Variants in TENM1 observed in about 807,000 individuals in gnomAD.
TENM1 encodes the protein teneurin-1.
In TENM1, 35 loss-of-function variants were observed where a neutral mutation model predicts 174.8. The ratio of observed to expected loss-of-function variants is 0.20; its 90% confidence interval spans 0.15 to 0.27. The LOEUF is 0.27. TENM1 is among the 10% of genes least tolerant of loss of function. The pLI is 1.00. For synonymous variants in TENM1, 781 were observed against 798.7 expected (o/e 0.98, Z 0.37); for missense variants, 1,633 against 2,130.1 (o/e 0.77, Z 4.59).
At chrX:125,141,471 C>T in the TENM1 span, among the ~76,000 whole-genome samples, 4,278 of 111,448 alleles carry the variant, frequency 0.038, 202 homozygotes, top group African/African-American at 0.13. Flanking sequence ...TGTGAGGTAC[C>T]TCTATATTCT....
At chrX:124,547,222 G>T in intron 14 of TENM1, 132 bp from the exon 18 acceptor site, 2 of 497,309 alleles carry the variant, frequency 4.0e-6, no homozygotes, top group Non-Finnish European at 3.2e-6. Flanking sequence ...TTCAGAATTT[G>T]TTAAATTCAC....
rs754681322 is a variant in TENM1 at position 124,817,063 on chromosome X, A to C, written c.535+77233T>G. 8.2e-5 allele frequency among the ~76,000 whole-genome samples: 9 copies of C among 109,712 alleles called. No homozygotes were observed. The East Asian group carries it at 2.6e-3, about 32-fold the overall frequency. On this transcript the variant is annotated intron_variant, in intron 3 of 31. Transcript: ENST00000422452. ...AGCCTCCCAACCCCCAACAGGCCCC[A>C]ATGTGTGATGTTCCCCTCCCTGTGT... is the stretch of plus-strand genomic sequence containing the variant.
the TENM1 span, among the ~76,000 whole-genome samples, chrX:125,074,042 C>T: frequency 6.3e-5 from 7 of 111,345 alleles, no homozygotes; most frequent in African/African-American, 9.8e-5. Context: ...TCAAGTTGGG[C>T]GGGAAATCTT....
chrX:124,688,411 TTTTTC>T (rs1352758322), intron 5 of TENM1: 12 of 109,412 alleles, frequency 1.1e-4, no homozygotes, highest in African/African-American at 3.4e-4. Context: ...TTTTATTTTA[TTTTTC>T]TTTTATTTTT....
the TENM1 span, among the ~76,000 whole-genome samples, chrX:125,190,856 A>G: frequency 1.8e-5 from 2 of 111,507 alleles, no homozygotes; most frequent in Non-Finnish European, 3.8e-5. Context: ...TTCAATCAGA[A>G]ATAATCATTT....
intron 11 of TENM1, among the ~76,000 whole-genome samples, chrX:124,625,943 T>A (rs2050626889): frequency 9.0e-6 from 1 of 111,484 alleles, no homozygotes; most frequent in African/African-American, 3.3e-5. Flanking sequence ...GGAATACCTA[T>A]GTTCAACAGC....
chrX:124,664,533 A>C (rs1025699038), intron 6 of TENM1, among the ~76,000 whole-genome samples: 1 of 71,994 alleles, frequency 1.4e-5, no homozygotes, highest in Non-Finnish European at 2.6e-5. Flanking sequence ...AAAGCAAAAG[A>C]AAAAAAAAAA....
rs1047315310 is a variant in TENM1, at chrX:124,409,628, T to C, written c.4983-3139A>G. 2.8e-5 allele frequency among the ~76,000 whole-genome samples: 3 copies of C among 108,481 alleles called. No individual in the cohort carries two copies. In the Admixed American group the frequency reaches 3.0e-4, roughly 11 times the overall value. The allele number at this position is 108,481 out of a possible 115,157, so 94.2% of individuals were successfully genotyped here. On this transcript the variant is annotated intron_variant, in intron 25 of 31. Coordinates refer to ENST00000422452, the Ensembl canonical transcript of TENM1. ...TGTATATCTAGAAAACCCCATTGTC[T>C]CAGCCCAAAATCTCCTTAAGCTGAT...
At chrX:125,166,841 G>A in the TENM1 span, among the ~76,000 whole-genome samples, 55 of 111,289 alleles carry the variant, frequency 4.9e-4, no homozygotes, top group African/African-American at 1.3e-3. Flanking sequence ...GGATTCCTGA[G>A]AGAGACTTTG....
In TENM1 at chrX:124,854,571, G is replaced by C. The variant is rs1330678326; in HGVS notation, c.535+39725C>G. ...TCCTAACAGAAAAGTAGATTTATCA[G>C]TCCAAACCAAAAATAAGGATGAGTA... On this transcript the variant is annotated intron_variant, in intron 3 of 31. Transcript: ENST00000422452. 2.7e-5 allele frequency among the ~76,000 whole-genome samples: 3 copies of C among 111,784 alleles called. No homozygotes were observed. The East Asian group carries it at 8.4e-4, about 31-fold the overall frequency.
chrX:124,761,958 G>A (rs2054428608), intron 3 of TENM1, among the ~76,000 whole-genome samples: 1 of 112,135 alleles, frequency 8.9e-6, no homozygotes, highest in Non-Finnish European at 1.9e-5. Context: ...TTTTAAAACT[G>A]AATCGCCTCT....
rs2060930281 is a variant in TENM1 at position 124,443,259 on chromosome X, T to A, written c.4104+10078A>T. On this transcript the variant is annotated intron_variant, in intron 23 of 31. Coordinates refer to ENST00000422452, the Ensembl canonical transcript of TENM1. ...ATCTAAGGACAAGAGAAAGTTGTTT[T>A]TTCAGTTATGTAGAGAGCAGAAGAC... 3.6e-5 allele frequency among the ~76,000 whole-genome samples: 4 copies of A among 111,472 alleles called. No individual in the cohort carries two copies. The South Asian group carries it at 1.5e-3, about 42-fold the overall frequency.
chrX:124,426,365 G>A (rs779943735), intron 23 of TENM1, among the ~76,000 whole-genome samples: 1 of 112,037 alleles, frequency 8.9e-6, no homozygotes, highest in Non-Finnish European at 1.9e-5. Context: ...AGAAGGCTTT[G>A]TTTTTCTTGT....
At chrX:124,806,974 T>C (rs763945280) in intron 3 of TENM1, among the ~76,000 whole-genome samples, 14 of 111,247 alleles carry the variant, frequency 1.3e-4, no homozygotes, top group East Asian at 2.8e-4. Flanking sequence ...GTACAGGAAG[T>C]ATGGCAGCAG....
intron 23 of TENM1, among the ~76,000 whole-genome samples, chrX:124,438,331 AGT>A (rs2060866584): frequency 9.1e-6 from 1 of 110,337 alleles, no homozygotes; most frequent in African/African-American, 3.3e-5. Context: ...GAGATACAGA[AGT>A]ATCTTAGATA....
At chrX:124,895,991 A>G in exon 2 of TENM1, 1 of 1,211,336 alleles carries the variant, frequency 8.3e-7, no homozygotes, top group Non-Finnish European at 1.1e-6. Context: ...CATTTTCCCC[A>G]TCAGACTTCC....
At chrX:124,645,273 A>G (rs1403222812) in exon 10 of TENM1, 3 of 1,211,671 alleles carry the variant, frequency 2.5e-6, no homozygotes, top group Non-Finnish European at 3.4e-6. Flanking sequence ...CCTTCCAGCC[A>G]TGCCGGCAGA....
intron 3 of TENM1, among the ~76,000 whole-genome samples, chrX:124,818,401 GT>G (rs745471714): frequency 8.9e-6 from 1 of 111,979 alleles, no homozygotes; most frequent in East Asian, 2.8e-4. Context: ...TCTTTTGGAG[GT>G]ATAAATGTGA....
At chrX:124,453,478 A>G (rs1188213004) in exon 23 of TENM1, 1 of 1,208,165 alleles carries the variant, frequency 8.3e-7, no homozygotes, top group African/African-American at 1.7e-5. Flanking sequence ...ATCCATGCCT[A>G]TCAACTGTGA....
Sources: gnomAD v4.1 joint callset for allele counts (sites outside exome capture counted in the v4.1 genomes callset) on GRCh38, gnomAD v4.1.1 for gene constraint, MANE v1.5 for transcripts, NCBI Gene and HGNC (gene_info 2026-07-23, HGNC 2026-07-21) for gene names.